Variants in CLOCK observed in about 807,000 individuals in gnomAD.
The protein encoded by CLOCK is clock circadian regulator.
CLOCK carries 43 observed loss-of-function variants against 118.4 expected under a neutral mutation model. The observed-to-expected ratio is 0.36, with a 90% CI of 0.28 to 0.47. The LOEUF is 0.47. Among genes scored for constraint, CLOCK ranks in the 20% least tolerant of loss-of-function variants. The pLI is 1.00. For missense variants in CLOCK, 846 were observed against 999.9 expected (o/e 0.85, Z 2.08); for synonymous variants, 326 against 339.2 (o/e 0.96, Z 0.43).
intron 5 of CLOCK, 30 bp downstream of exon 5, chr4:55,479,610 T>C (rs1726777294): frequency 1.3e-6 from 2 of 1,504,380 alleles, no homozygotes; most frequent in Non-Finnish European, 1.8e-6. Flanking sequence ...TATTCATTCA[T>C]TTACTATTTT....
intron 3 of CLOCK, among the ~76,000 whole-genome samples, chr4:55,483,448 T>C (rs1032325186): frequency 2.0e-4 from 31 of 152,186 alleles, no homozygotes; most frequent in African/African-American, 7.5e-4. Flanking sequence ...GCAAATATGG[T>C]GCAGGGATGG....
intron 1 of CLOCK, among the ~76,000 whole-genome samples, chr4:55,513,725 A>G (rs1670267830): frequency 6.6e-6 from 1 of 152,134 alleles, no homozygotes; most frequent in Admixed American, 6.5e-5. Context: ...TCAGTCTACA[A>G]ATAAAATTGT....
At chr4:55,527,835 G>T (rs1469248088) in intron 1 of CLOCK, among the ~76,000 whole-genome samples, 1 of 151,092 alleles carries the variant, frequency 6.6e-6, no homozygotes, top group Non-Finnish European at 1.5e-5. Flanking sequence ...TTGAGGCCAG[G>T]AAATGGAGAA....
intron 1 of CLOCK, among the ~76,000 whole-genome samples, chr4:55,533,840 T>C (rs779741205): frequency 6.6e-6 from 1 of 152,108 alleles, no homozygotes. Context: ...GAGGCAGAGG[T>C]TGCAGTAATC....
chr4:55,476,425 C>T (rs1726515110), intron 6 of CLOCK, among the ~76,000 whole-genome samples: 1 of 152,056 alleles, frequency 6.6e-6, no homozygotes, highest in Non-Finnish European at 1.5e-5. Context: ...ATTCAAATAG[C>T]AATGTCTAGA....
intron 2 of CLOCK, among the ~76,000 whole-genome samples, chr4:55,500,008 T>C (rs1265878152): frequency 2.0e-5 from 3 of 152,074 alleles, no homozygotes; most frequent in Non-Finnish European, 4.4e-5. Context: ...TATACCACTA[T>C]GGCAATGTAA....
At chr4:55,461,605 T>C (rs1725350228) in intron 9 of CLOCK, among the ~76,000 whole-genome samples, 1 of 152,164 alleles carries the variant, frequency 6.6e-6, no homozygotes, top group South Asian at 2.1e-4. Flanking sequence ...ACTTGATTTG[T>C]ATAGTAGGAA....
Position 55,429,578 on chromosome 4 carries a change from A to T in CLOCK, c.*5837T>A, listed in dbSNP as rs1377573501. 1 of 152,214 alleles carries T rather than the reference A, an allele frequency of 6.6e-6. No individual in the cohort carries two copies. Among genetic ancestry groups the T allele is most frequent in the African/African-American group, 2.4e-5 (1 of 41,454 alleles). The allele number at this position is 152,214 out of a possible 1,614,324, so 9.4% of individuals were successfully genotyped here. A position where few individuals can be genotyped will look rare whatever the true frequency, so the allele number is the denominator to read the frequency against. On this transcript the variant is annotated 3_prime_UTR_variant, in exon 23 of 23. Transcript: ENST00000513440. ...CTGTATACATTATTCCGCCAAATTT[A>T]AGAACTTTAAATGGATTTTAATATG...
intron 1 of CLOCK, among the ~76,000 whole-genome samples, chr4:55,520,506 C>A (rs1272206490): frequency 2.0e-5 from 3 of 152,174 alleles, no homozygotes; most frequent in African/African-American, 7.2e-5. Flanking sequence ...TAGAAAACAA[C>A]ACCTGAGGCA....
intron 1 of CLOCK, among the ~76,000 whole-genome samples, chr4:55,537,339 C>G (rs1035503603): frequency 6.6e-5 from 10 of 152,114 alleles, no homozygotes; most frequent in Middle Eastern, 3.2e-3. Flanking sequence ...TAAACTCTGG[C>G]CAGGTGTGGT....
intron 2 of CLOCK, among the ~76,000 whole-genome samples, chr4:55,496,569 G>A (rs73819622): frequency 0.013 from 2,054 of 152,228 alleles, 41 homozygotes; most frequent in African/African-American, 0.046. Context: ...AGTTCAAGTT[G>A]TGCTGACTAT....
In CLOCK at chr4:55,541,022, A is replaced by C. The variant is rs141324230; in HGVS notation, c.-290+5760T>G. The stretch of plus-strand genomic sequence containing the variant: ...AGTAATTCATAAAATTTCATTTTTC[A>C]CAAGTGATTTCTGTAGACTTCTAAG... On this transcript the variant is annotated intron_variant, in intron 1 of 22. Coordinates refer to ENST00000513440, the MANE Select transcript of CLOCK (RefSeq NM_004898.4). Among the ~76,000 whole-genome samples the C allele has an allele frequency of 1.1e-4, 16 of 152,366 alleles. No homozygotes were observed. The East Asian group carries it at 3.1e-3, about 29-fold the overall frequency.
At chr4:55,535,876 A>G (rs1387747636) in intron 1 of CLOCK, among the ~76,000 whole-genome samples, 2 of 151,650 alleles carry the variant, frequency 1.3e-5, no homozygotes, top group African/African-American at 4.8e-5. Flanking sequence ...GATGACCAGT[A>G]TCTGTCTTTT....
intron 1 of CLOCK, among the ~76,000 whole-genome samples, chr4:55,544,753 C>T (rs1731497070): frequency 6.6e-6 from 1 of 152,290 alleles, no homozygotes; most frequent in East Asian, 1.9e-4. Context: ...AAGACATACA[C>T]ATAATACATC....
At chr4:55,480,324 GCA>G (rs1325062381) in intron 4 of CLOCK, among the ~76,000 whole-genome samples, 2 of 152,160 alleles carry the variant, frequency 1.3e-5, no homozygotes, top group Non-Finnish European at 2.9e-5. Flanking sequence ...GAGTGCAGTT[GCA>G]CAAACATGGC....
In CLOCK at chr4:55,444,905, T is replaced by C. The variant is rs1397620962; in HGVS notation, c.1540-120A>G. On this transcript the variant is annotated intron_variant, in intron 18 of 22. Transcript: ENST00000513440. ...GAAGGATGATAACATCCTTCACTAG[T>C]TATGTCCCTTAGTTTCTAATCCACC... is the stretch of plus-strand genomic sequence containing the variant. The C allele has an allele frequency of 5.0e-6, 5 of 999,232 alleles. No homozygotes were observed. The African/African-American group carries it at 6.4e-5, about 13-fold the overall frequency. The allele number at this position is 999,232 out of a possible 1,614,324, so 61.9% of individuals were successfully genotyped here. A position where few individuals can be genotyped will look rare whatever the true frequency, so the allele number is the denominator to read the frequency against.
chr4:55,515,292 C>T (rs4864544), intron 1 of CLOCK, among the ~76,000 whole-genome samples: 51,373 of 151,998 alleles, frequency 0.34, 9,380 homozygotes, highest in East Asian at 0.58. Flanking sequence ...TAGCTGGAAG[C>T]ACATCAATTT....
Position 55,546,856 on chromosome 4 carries a change from C to A in CLOCK, c.-364G>T, listed in dbSNP as rs1731673919. 1.3e-5 allele frequency: 2 copies of A among 152,154 alleles called. No homozygotes were observed. Among genetic ancestry groups the A allele is most frequent in the African/African-American group, 4.8e-5 (2 of 41,434 alleles). 9.4% of individuals were successfully genotyped at this position (152,154 alleles called of 1,614,324 possible). ...TCCGGGGTTTCCTTTTTTAAACCGG[C>A]AGCCGCAAGCCGAGTCCGTGATTGC... On this transcript the variant is annotated 5_prime_UTR_variant, in exon 1 of 23. Transcript: ENST00000513440.
intron 1 of CLOCK, among the ~76,000 whole-genome samples, chr4:55,519,754 G>GT (rs1184628329): frequency 6.6e-6 from 1 of 151,988 alleles, no homozygotes; most frequent in Non-Finnish European, 1.5e-5. Context: ...TTCAGCCTGG[G>GT]TAACAGAGCA....
Sources: gnomAD v4.1 joint callset for allele counts (sites outside exome capture counted in the v4.1 genomes callset) on GRCh38, gnomAD v4.1.1 for gene constraint, MANE v1.5 for transcripts, NCBI Gene and HGNC (gene_info 2026-07-23, HGNC 2026-07-21) for gene names.